The following PDZD2 variants were observed in gnomAD, a reference collection of about 807,000 sequenced individuals.
PDZD2 encodes the protein PDZ domain-containing protein 2.
In PDZD2, 90 loss-of-function variants were observed where a neutral mutation model predicts 220.7. The observed-to-expected ratio is 0.41, with a 90% CI of 0.34 to 0.49. The LOEUF (loss-of-function observed/expected upper bound fraction) is 0.49, where lower values mean the gene tolerates loss of function less well. Ranked by LOEUF, PDZD2 falls within the 20% of genes least tolerant of loss-of-function variation. The probability of loss-of-function intolerance (pLI) is 0.28; values close to 1 mark genes in which losing one functional copy is unlikely to be tolerated. For synonymous variants in PDZD2, 1,375 were observed against 1,450.5 expected (o/e 0.95, Z 1.18); for missense variants, 3,174 against 3,608.5 (o/e 0.88, Z 3.08).
At chr5:31,653,555 G>A (rs1015667746) in intron 1 of PDZD2, among the ~76,000 whole-genome samples, 17 of 152,304 alleles carry the variant, frequency 1.1e-4, no homozygotes, top group Non-Finnish European at 2.2e-4. Context: ...GACTTAGGAT[G>A]TATGGGAAGA....
Position 31,936,192 on chromosome 5 carries a change from G to A in PDZD2, c.477-46963G>A, listed in dbSNP as rs532783689. On this transcript the variant is annotated intron_variant, in intron 2 of 24. Transcript: ENST00000438447. ...CTGGCAGGAAGTTGGAGCACGCATG[G>A]CGCAGCTTGTATTTTTGTTGATAGT... 5 of 987,810 alleles carry A rather than the reference G, an allele frequency of 5.1e-6. No individual in the cohort carries two copies. In the South Asian group the frequency reaches 2.3e-4, roughly 46 times the overall value. 61.2% of individuals were successfully genotyped at this position (987,810 alleles called of 1,614,324 possible).
At position 32,097,223 on chromosome 5, in the gene PDZD2, T is replaced by A. The variant is rs1177589792; in HGVS notation, c.7846-56T>A. 3.5e-6 allele frequency: 4 copies of A among 1,143,262 alleles called. No individual in the cohort carries two copies. The African/African-American group carries it at 6.1e-5, about 17-fold the overall frequency. 70.8% of individuals were successfully genotyped at this position (1,143,262 alleles called of 1,614,324 possible). A position where few individuals can be genotyped will look rare whatever the true frequency, so the allele number is the denominator to read the frequency against. ...CCTGGCCCAAGGGGATATGTTTTTCTTTCTTAATTTTTTGCAGCTGTAGCT... is the reference window on the plus strand; with the variant it reads ...CCTGGCCCAAGGGGATATGTTTTTCATTCTTAATTTTTTGCAGCTGTAGCT... On this transcript the variant is annotated intron_variant, in intron 21 of 24. Coordinates refer to ENST00000438447, the MANE Select transcript of PDZD2 (RefSeq NM_178140.4).
Position 32,014,939 on chromosome 5 carries a change from C to CTTTTT in PDZD2, c.1407+4473_1407+4477dup, listed in dbSNP as rs746683258. Reference sequence around the variant, plus strand: ...TGGCCAGGATAGTCTCAATCTCTCTCTTTTTTTTTTTTTTTTTTTTGAGAC... The same window carrying CTTTTT: ...TGGCCAGGATAGTCTCAATCTCTCTCTTTTTTTTTTTTTTTTTTTTTTTTTGAGAC... On this transcript the variant is annotated intron_variant, in intron 6 of 24. Coordinates refer to ENST00000438447, the MANE Select transcript of PDZD2 (RefSeq NM_178140.4). 4.4e-3 allele frequency among the ~76,000 whole-genome samples: 409 copies of CTTTTT among 94,002 alleles called. 25 individuals carry two copies. The highest frequency in any genetic ancestry group is 4.9e-3 in the Non-Finnish European group (236 of 48,390). 61.7% of individuals were successfully genotyped at this position (94,002 alleles called of 152,430 possible). A position where few individuals can be genotyped will look rare whatever the true frequency, so the allele number is the denominator to read the frequency against.
chr5:31,758,872 CA>C (rs927376398), intron 1 of PDZD2, among the ~76,000 whole-genome samples: 2 of 151,900 alleles, frequency 1.3e-5, no homozygotes, highest in South Asian at 4.1e-4. Flanking sequence ...AATGGTAGAG[CA>C]AAAAAAGTGT....
intron 1 of PDZD2, among the ~76,000 whole-genome samples, chr5:31,674,138 C>G (rs1255571635): frequency 6.6e-6 from 1 of 152,160 alleles, no homozygotes; most frequent in East Asian, 1.9e-4. Context: ...GTTGATAAGC[C>G]ACCCAGTCTA....
intron 5 of PDZD2, among the ~76,000 whole-genome samples, chr5:32,005,667 A>G (rs1411971865): frequency 6.6e-6 from 1 of 152,132 alleles, no homozygotes; most frequent in Non-Finnish European, 1.5e-5. Flanking sequence ...TTTCTGTAAA[A>G]TGGAGTCAAA....
chr5:31,785,166 T>C (rs149412126), intron 1 of PDZD2, among the ~76,000 whole-genome samples: 89 of 152,188 alleles, frequency 5.8e-4, no homozygotes, highest in African/African-American at 2.0e-3. Flanking sequence ...GTCTTTCCAA[T>C]TGAAAATGAA....
chr5:31,936,286 C>T, intron 2 of PDZD2: 1 of 987,626 alleles, frequency 1.0e-6, no homozygotes. Flanking sequence ...TGGAGTCTGT[C>T]CCATTCCAGA....
At chr5:32,093,446 G>C (rs1357691800) in intron 21 of PDZD2, among the ~76,000 whole-genome samples, 1 of 152,136 alleles carries the variant, frequency 6.6e-6, no homozygotes, top group Non-Finnish European at 1.5e-5. Context: ...TCCCGCCGTT[G>C]CCCTGAAATA....
intron 6 of PDZD2, among the ~76,000 whole-genome samples, chr5:32,028,553 A>G (rs1321725576): frequency 1.3e-5 from 2 of 152,228 alleles, no homozygotes; most frequent in Admixed American, 6.5e-5. Context: ...CTTAAAATCT[A>G]AAGTAATTAA....
At chr5:31,735,984 G>A (rs1020200888) in intron 1 of PDZD2, among the ~76,000 whole-genome samples, 3 of 151,962 alleles carry the variant, frequency 2.0e-5, no homozygotes, top group Admixed American at 6.6e-5. Flanking sequence ...AAATTATATA[G>A]AGCACAAAGG....
Position 32,089,475 on chromosome 5 carries a change from C to T in PDZD2, c.6027C>T (p.Pro2009=), listed in dbSNP as rs773197546. The stretch of plus-strand genomic sequence containing the variant: ...TCCACATGGCTGTCCTCTCTGAACC[C>T]GACAGAGGTTGCCCAACCACCCCTA... ...SRFHMAVLSE[P]DRGCPTTPKS... Residue 2009 remains proline (P), a synonymous_variant, in exon 20 of 25, where the codon CCC becomes CCT. Coordinates refer to ENST00000438447, the MANE Select transcript of PDZD2 (RefSeq NM_178140.4). 5.1e-5 allele frequency: 82 copies of T among 1,613,462 alleles called. No homozygotes were observed. The highest frequency in any genetic ancestry group is 8.3e-5 in the Admixed American group (5 of 59,998).
chr5:32,058,163 G>A, intron 12 of PDZD2, 60 bp downstream of exon 12: 1 of 872,914 alleles, frequency 1.1e-6, no homozygotes, highest in African/African-American at 1.6e-5. Context: ...GGAATCTGTT[G>A]TTAGCTTAAT....
chr5:32,091,044 C>G lies in PDZD2; in HGVS notation c.7596C>G (p.Pro2532=). 6.2e-7 allele frequency: 1 copy of G among 1,613,780 alleles called. No homozygotes were observed. The highest frequency in any genetic ancestry group is 8.5e-7 in the Non-Finnish European group (1 of 1,179,876). ...PGPPAGGVSC[P]EKGGNRACPG... is the part of the protein sequence containing the mutation. Reference sequence around the variant, plus strand: ...CTCCTGCTGGAGGCGTTTCGTGTCCCGAGAAGGGCGGGAACAGGGCCTGTC... The same window carrying G: ...CTCCTGCTGGAGGCGTTTCGTGTCCGGAGAAGGGCGGGAACAGGGCCTGTC... Residue 2532 remains proline (P), a synonymous_variant, in exon 20 of 25, where the codon CCC becomes CCG. Transcript: ENST00000438447.
intron 2 of PDZD2, among the ~76,000 whole-genome samples, chr5:31,913,383 A>G (rs560365400): frequency 6.6e-6 from 1 of 152,234 alleles, no homozygotes; most frequent in African/African-American, 2.4e-5. Flanking sequence ...AAGAAACACA[A>G]AGCTAAGATT....
intron 14 of PDZD2, among the ~76,000 whole-genome samples, chr5:32,066,097 C>T (rs114218067): frequency 0.027 from 4,130 of 152,104 alleles, 148 homozygotes; most frequent in African/African-American, 0.076. Flanking sequence ...AATCCGAGCA[C>T]TTTGCAAGGC....
chr5:31,757,225 G>T (rs1751351199), intron 1 of PDZD2, among the ~76,000 whole-genome samples: 1 of 152,200 alleles, frequency 6.6e-6, no homozygotes, highest in Admixed American at 6.5e-5. Context: ...GCTCCAGGCT[G>T]CAGTGAGCTA....
intron 1 of PDZD2, among the ~76,000 whole-genome samples, chr5:31,781,314 T>C (rs529842211): frequency 1.8e-4 from 27 of 152,330 alleles, no homozygotes; most frequent in African/African-American, 5.5e-4. Flanking sequence ...CTCATGAGGC[T>C]GAGGCAGGAG....
intron 1 of PDZD2, among the ~76,000 whole-genome samples, chr5:31,766,591 C>G (rs766370403): frequency 2.1e-4 from 32 of 152,206 alleles, no homozygotes; most frequent in Non-Finnish European, 4.4e-4. Flanking sequence ...GGGGTTTCAC[C>G]ATGTTGCCTA....
Sources: allele counts gnomAD v4.1 joint callset (sites outside exome capture counted in the v4.1 genomes callset), GRCh38; gene constraint gnomAD v4.1.1; transcripts MANE v1.5; gene names NCBI Gene and HGNC (gene_info 2026-07-23, HGNC 2026-07-21).